The following RBMS3 variants were observed in gnomAD, a reference collection of about 807,000 sequenced individuals.
RBMS3 encodes the protein RNA binding motif single stranded interacting protein 3, also known as RNA-binding motif, single-stranded-interacting protein 3.
Under a neutral mutation model 66.8 loss-of-function variants are expected in RBMS3, and 27 were observed. That is an observed-to-expected ratio of 0.40 (90% CI 0.30 to 0.56). The LOEUF is 0.56. Among genes scored for constraint, RBMS3 ranks in the 20% least tolerant of loss-of-function variants. The probability of loss-of-function intolerance (pLI) is 0.40; values close to 1 mark genes in which losing one functional copy is unlikely to be tolerated. For synonymous variants in RBMS3, 188 were observed against 183.0 expected, an observed-to-expected ratio of 1.03 and a Z score of -0.22; for missense variants, 513 against 549.5, an observed-to-expected ratio of 0.93 and a Z score of 0.66.
intron 6 of RBMS3, among the ~76,000 whole-genome samples, chr3:29,830,969 C>T (rs2058355987): frequency 6.6e-6 from 1 of 152,074 alleles, no homozygotes; most frequent in Admixed American, 6.6e-5. Context: ...TACAGAGGTG[C>T]TAAGTTGATT....
chr3:29,389,825 T>A (rs1288564012), intron 1 of RBMS3, among the ~76,000 whole-genome samples: 7 of 152,166 alleles, frequency 4.6e-5, no homozygotes, highest in Non-Finnish European at 5.9e-5. Context: ...AAGGCTCTGC[T>A]GTTTGAGGAC....
intron 4 of RBMS3, among the ~76,000 whole-genome samples, chr3:29,716,792 A>G (rs1402128916): frequency 6.6e-6 from 1 of 152,044 alleles, no homozygotes; most frequent in Non-Finnish European, 1.5e-5. Flanking sequence ...ACGCTGATAG[A>G]TTCTGGGTTT....
At chr3:29,448,706 T>A (rs2118598) in intron 2 of RBMS3, among the ~76,000 whole-genome samples, 104,579 of 151,950 alleles carry the variant, frequency 0.69, 36,067 homozygotes, top group East Asian at 0.75. Context: ...TTTTACCATG[T>A]AAGTCCTACA....
rs1696978761 is a variant in RBMS3 at position 29,968,204 on chromosome 3, C to T, written c.1099-19939C>T. Among the ~76,000 whole-genome samples the T allele has an allele frequency of 2.0e-5, 3 of 152,094 alleles. No homozygotes were observed. In the South Asian group the frequency reaches 6.2e-4, roughly 32 times the overall value. ...CCCACGGCTGCCCACCCGGCCTGCCCCCGTAACAGTCTGTTTCCAGGTGGA... is the reference window on the plus strand; with the variant it reads ...CCCACGGCTGCCCACCCGGCCTGCCTCCGTAACAGTCTGTTTCCAGGTGGA... On this transcript the variant is annotated intron_variant, in intron 12 of 14. Transcript: ENST00000383767.
At chr3:29,282,894 G>T (rs1022013594) in intron 1 of RBMS3, among the ~76,000 whole-genome samples, 2 of 152,122 alleles carry the variant, frequency 1.3e-5, no homozygotes, top group African/African-American at 4.8e-5. Flanking sequence ...CTGGGAAGCA[G>T]ACTTTCAGTA....
chr3:29,951,808 TAATATA>T (rs949746098), intron 12 of RBMS3, among the ~76,000 whole-genome samples: 4 of 151,604 alleles, frequency 2.6e-5, no homozygotes, highest in African/African-American at 9.7e-5. Context: ...CTAGGTGAAT[TAATATA>T]AATATAAATA....
Position 29,991,135 on chromosome 3 carries a change from C to G in RBMS3, c.1233C>G (p.Thr411=), listed in dbSNP as rs114278295. 0.023 allele frequency: 37,770 copies of G among 1,614,042 alleles called. 565 individuals are homozygous for G. Among genetic ancestry groups the G allele is most frequent in the South Asian group, 0.034 (3,134 of 91,076 alleles). The change falls in exon 14 of 15, where the codon ACC becomes ACG. Residue 411 remains threonine, a synonymous_variant. Coordinates refer to ENST00000383767, the MANE Select transcript of RBMS3 (RefSeq NM_001003793.3). ...PQTVAPSSQD[T]SGQQQQIAVD... is the part of the protein sequence containing the mutation. ...CAGTGGCACCTTCATCCCAGGACAC[C>G]AGTGGTCAGCAGCAACAGATAGCAG...
chr3:29,739,692 A>G, intron 4 of RBMS3, 28 bp from the exon 5 acceptor site: 1 of 1,551,152 alleles, frequency 6.4e-7, no homozygotes, highest in South Asian at 1.2e-5. Flanking sequence ...CTCAGAACTT[A>G]CCATATTTGT....
intron 5 of RBMS3, among the ~76,000 whole-genome samples, chr3:29,748,061 G>C (rs990192816): frequency 6.6e-6 from 1 of 152,190 alleles, no homozygotes; most frequent in African/African-American, 2.4e-5. Flanking sequence ...GGGTGTAATA[G>C]AGAGTATGGG....
intron 14 of RBMS3, among the ~76,000 whole-genome samples, chr3:29,995,391 T>G (rs1028212258): frequency 1.3e-5 from 2 of 152,108 alleles, no homozygotes; most frequent in African/African-American, 2.4e-5. Context: ...AGGCCAACGT[T>G]CAGATTCAGG....
chr3:29,584,579 G>T (rs1358937542), intron 3 of RBMS3, among the ~76,000 whole-genome samples: 1 of 151,968 alleles, frequency 6.6e-6, no homozygotes, highest in East Asian at 1.9e-4. Flanking sequence ...CTTCTCCCCT[G>T]CTGGTTCTTC....
chr3:29,387,802 C>T (rs934222595), intron 1 of RBMS3, among the ~76,000 whole-genome samples: 1 of 152,034 alleles, frequency 6.6e-6, no homozygotes, highest in African/African-American at 2.4e-5. Flanking sequence ...TGCTTTTCTG[C>T]TACAAACCTT....
At chr3:29,535,202 A>G (rs914475171) in intron 3 of RBMS3, among the ~76,000 whole-genome samples, 2 of 152,156 alleles carry the variant, frequency 1.3e-5, no homozygotes, top group African/African-American at 2.4e-5. Flanking sequence ...AATGGAAGCA[A>G]TAAAACGTAT....
intron 6 of RBMS3, among the ~76,000 whole-genome samples, chr3:29,865,006 A>G: frequency 8.3e-6 from 1 of 120,778 alleles, no homozygotes; most frequent in African/African-American, 3.1e-5. Flanking sequence ...GGGAAGGGAA[A>G]GGAAGGGGAA....
intron 12 of RBMS3, among the ~76,000 whole-genome samples, chr3:29,956,888 G>GCCTC (rs1176400170): frequency 6.6e-6 from 1 of 151,996 alleles, no homozygotes; most frequent in African/African-American, 2.4e-5. Context: ...TGATCCTGAT[G>GCCTC]CCTCCTTTTT....
At chr3:29,635,960 A>G (rs1200306077) in intron 4 of RBMS3, among the ~76,000 whole-genome samples, 3 of 151,774 alleles carry the variant, frequency 2.0e-5, no homozygotes, top group Non-Finnish European at 4.4e-5. Flanking sequence ...ATCCTGTTAC[A>G]ATACCATAAG....
chr3:29,986,352 A>C (rs1698389211), intron 12 of RBMS3, among the ~76,000 whole-genome samples: 1 of 152,222 alleles, frequency 6.6e-6, no homozygotes, highest in Non-Finnish European at 1.5e-5. Context: ...TACCAAAATC[A>C]AAACAAAAGT....
chr3:29,401,882 A>AT, intron 1 of RBMS3, among the ~76,000 whole-genome samples: 1 of 152,174 alleles, frequency 6.6e-6, no homozygotes, highest in South Asian at 2.1e-4. Flanking sequence ...ATGATGATTA[A>AT]TTTTTTAAAA....
intron 4 of RBMS3, among the ~76,000 whole-genome samples, chr3:29,640,255 T>TACACACAC (rs34719305): frequency 5.7e-5 from 8 of 140,072 alleles, no homozygotes; most frequent in South Asian, 2.3e-4. Context: ...ACATTTTGGT[T>TACACACAC]ACACACACAC....
Sources: gnomAD v4.1 joint callset for allele counts (sites outside exome capture counted in the v4.1 genomes callset) on GRCh38, gnomAD v4.1.1 for gene constraint, MANE v1.5 for transcripts, NCBI Gene and HGNC (gene_info 2026-07-23, HGNC 2026-07-21) for gene names.